SMIM14: variants seen among roughly 807,000 people sequenced by gnomAD.
The protein encoded by SMIM14 is small integral membrane protein 14, also known as chromosome 4 open reading frame 34.
A neutral mutation model predicts 12.6 loss-of-function variants in SMIM14; 5 were observed. That is an observed-to-expected ratio of 0.40 (90% confidence interval 0.21 to 0.83). SMIM14 has a LOEUF of 0.83. Ranked by LOEUF, SMIM14 falls within the 40% of genes least tolerant of loss-of-function variation. The pLI is 0.37. For synonymous variants in SMIM14, 30 were observed against 40.1 expected (o/e 0.75, Z 0.95); for missense variants, 86 against 119.1 (o/e 0.72, Z 1.29).
At chr4:39,622,011 T>A (rs1715515151) in intron 1 of SMIM14, among the ~76,000 whole-genome samples, 1 of 151,440 alleles carries the variant, frequency 6.6e-6, no homozygotes, top group South Asian at 2.1e-4. Flanking sequence ...TATGGAGAAA[T>A]GATCACAACA....
At chr4:39,618,628 C>A (rs1018801805) in intron 1 of SMIM14, among the ~76,000 whole-genome samples, 1 of 125,942 alleles carries the variant, frequency 7.9e-6, no homozygotes, top group Non-Finnish European at 1.6e-5. Context: ...CCAGCCTGGG[C>A]GACAGAGCGA....
chr4:39,568,583 G>T (rs1484526381), intron 3 of SMIM14, among the ~76,000 whole-genome samples: 1 of 152,030 alleles, frequency 6.6e-6, no homozygotes, highest in Non-Finnish European at 1.5e-5. Context: ...TTTCTTCAAG[G>T]CTTATTTCAA....
At chr4:39,566,197 G>C (rs1163045455) in intron 3 of SMIM14, among the ~76,000 whole-genome samples, 1 of 151,498 alleles carries the variant, frequency 6.6e-6, no homozygotes, top group Non-Finnish European at 1.5e-5. Context: ...GTATCTTCAA[G>C]ATAGTGCTTG....
Position 39,604,720 on chromosome 4 carries a change from C to T in SMIM14, c.75+351G>A, listed in dbSNP as rs541593566. Reference sequence around the variant, plus strand: ...CTGCCTCCTGGGTTCAAGCAATTCTCGTGTCTCAGCCTTCCGAGTAGCTGG... The same window carrying T: ...CTGCCTCCTGGGTTCAAGCAATTCTTGTGTCTCAGCCTTCCGAGTAGCTGG... On this transcript the variant is annotated intron_variant, in intron 2 of 4. Transcript: ENST00000295958. 2.5e-4 allele frequency among the ~76,000 whole-genome samples: 38 copies of T among 151,608 alleles called. No homozygotes were observed. In the South Asian group the frequency reaches 7.1e-3, roughly 28 times the overall value.
intron 1 of SMIM14, among the ~76,000 whole-genome samples, chr4:39,617,775 G>A (rs554699057): frequency 3.2e-4 from 49 of 152,180 alleles, no homozygotes; most frequent in African/African-American, 9.4e-4. Flanking sequence ...CTTTAACAGC[G>A]GAAGAGAATC....
chr4:39,632,559 G>A (rs1476580174), intron 1 of SMIM14, among the ~76,000 whole-genome samples: 5 of 151,066 alleles, frequency 3.3e-5, no homozygotes, highest in East Asian at 1.9e-4. Flanking sequence ...TTTGGGAGGC[G>A]AAGCCAGGTG....
intron 1 of SMIM14, among the ~76,000 whole-genome samples, chr4:39,621,966 G>C (rs1715513054): frequency 6.6e-6 from 1 of 151,794 alleles, no homozygotes; most frequent in African/African-American, 2.4e-5. Flanking sequence ...ACACGAATGA[G>C]CCACCGCACT....
chr4:39,573,435 G>A (rs1047537663), intron 2 of SMIM14, among the ~76,000 whole-genome samples: 5 of 152,046 alleles, frequency 3.3e-5, no homozygotes, highest in South Asian at 4.1e-4. Context: ...GTCACAGAAC[G>A]TATCTTCAAA....
chr4:39,553,775 A>T (rs1454212920), intron 4 of SMIM14, among the ~76,000 whole-genome samples: 9 of 151,424 alleles, frequency 5.9e-5, no homozygotes, highest in Non-Finnish European at 1.3e-4. Context: ...TGTACTTTTA[A>T]TAGAGACGGA....
intron 3 of SMIM14, among the ~76,000 whole-genome samples, chr4:39,571,625 G>A (rs1712895435): frequency 6.6e-6 from 1 of 151,948 alleles, no homozygotes; most frequent in Non-Finnish European, 1.5e-5. Flanking sequence ...GAATTCTCAA[G>A]CCTGCCAACA....
intron 2 of SMIM14, among the ~76,000 whole-genome samples, chr4:39,579,947 T>C (rs1713414319): frequency 6.6e-6 from 1 of 151,674 alleles, no homozygotes; most frequent in African/African-American, 2.4e-5. Context: ...GTAGCTTCCA[T>C]GAGGAAACTT....
chr4:39,618,661 AAAAC>A (rs1715314528), intron 1 of SMIM14, among the ~76,000 whole-genome samples: 2 of 151,010 alleles, frequency 1.3e-5, no homozygotes, highest in Admixed American at 6.6e-5. Flanking sequence ...AAAAAAAAAA[AAAAC>A]AAAAAAAAAA....
intron 1 of SMIM14, among the ~76,000 whole-genome samples, chr4:39,633,898 C>T (rs1255201513): frequency 6.6e-6 from 1 of 152,158 alleles, no homozygotes; most frequent in East Asian, 1.9e-4. Flanking sequence ...CTCAATACAA[C>T]AATGCAAGAC....
chr4:39,622,546 G>A (rs1031907180), intron 1 of SMIM14, among the ~76,000 whole-genome samples: 1 of 152,150 alleles, frequency 6.6e-6, no homozygotes, highest in Non-Finnish European at 1.5e-5. Context: ...GATTACAGGT[G>A]TGTGCCACCA....
intron 2 of SMIM14, among the ~76,000 whole-genome samples, chr4:39,583,570 C>T (rs1462941543): frequency 6.6e-6 from 1 of 152,066 alleles, no homozygotes; most frequent in African/African-American, 2.4e-5. Context: ...ATAACGCAAA[C>T]ATGACCTTCT....
chr4:39,618,980 C>G (rs975507110), intron 1 of SMIM14, among the ~76,000 whole-genome samples: 2 of 152,022 alleles, frequency 1.3e-5, no homozygotes, highest in Admixed American at 6.6e-5. Context: ...CCTCTCCTGG[C>G]TGATAGATCC....
chr4:39,572,394 T>C, intron 3 of SMIM14, 21 bp downstream of exon 3: 2 of 1,516,714 alleles, frequency 1.3e-6, no homozygotes, highest in Non-Finnish European at 1.8e-6. Flanking sequence ...CCATCCTTCC[T>C]CCTGTCTCAG....
chr4:39,623,596 A>G (rs11946064), intron 1 of SMIM14, among the ~76,000 whole-genome samples: 4 of 152,238 alleles, frequency 2.6e-5, no homozygotes, highest in African/African-American at 9.6e-5. Flanking sequence ...GCGGTGGCTC[A>G]TGCCTGTAAT....
chr4:39,607,735 G>A (rs755337316), intron 1 of SMIM14, among the ~76,000 whole-genome samples: 13 of 152,172 alleles, frequency 8.5e-5, no homozygotes, highest in South Asian at 6.2e-4. Flanking sequence ...AAAGATAAAC[G>A]AAAGAGTGAA....
Sources: gnomAD v4.1 joint callset for allele counts (sites outside exome capture counted in the v4.1 genomes callset) on GRCh38, gnomAD v4.1.1 for gene constraint, MANE v1.5 for transcripts, NCBI Gene and HGNC (gene_info 2026-07-23, HGNC 2026-07-21) for gene names.